CEP120: variants seen among roughly 807,000 people sequenced by gnomAD.
CEP120 encodes the protein centrosomal protein 120.
A neutral mutation model predicts 126.5 loss-of-function variants in CEP120; 113 were observed. The ratio of observed to expected loss-of-function variants is 0.89; its 90% CI spans 0.77 to 1.04. The LOEUF is 1.04. CEP120 is among the 50% of genes least tolerant of loss of function. The pLI, the probability that CEP120 is intolerant of heterozygous loss-of-function variation, is 0.00. For synonymous variants in CEP120, 400 were observed against 394.3 expected, an observed-to-expected ratio of 1.01 and a Z score of -0.17; for missense variants, 1,230 against 1,155.7, an observed-to-expected ratio of 1.06 and a Z score of -0.93.
chr5:123,408,632 C>A (rs1004273231), intron 4 of CEP120, among the ~76,000 whole-genome samples: 4 of 152,050 alleles, frequency 2.6e-5, no homozygotes, highest in Non-Finnish European at 5.9e-5. Flanking sequence ...TAATCAATAA[C>A]CTTCCCAAAC....
intron 16 of CEP120, among the ~76,000 whole-genome samples, chr5:123,376,218 C>G (rs1290405247): frequency 6.6e-6 from 1 of 151,894 alleles, no homozygotes; most frequent in Admixed American, 6.6e-5. Context: ...AAAATTTGTC[C>G]TAGACTTGAG....
intron 14 of CEP120, among the ~76,000 whole-genome samples, chr5:123,379,267 C>G (rs1486656278): frequency 6.6e-6 from 1 of 152,040 alleles, no homozygotes; most frequent in Non-Finnish European, 1.5e-5. Flanking sequence ...ATCTTTTCTC[C>G]ATAACCTTTC....
At position 123,385,778 on chromosome 5, in the gene CEP120, A is replaced by AT. The variant is rs373354911; in HGVS notation, c.1581-646dup. On this transcript the variant is annotated intron_variant, in intron 10 of 19. Transcript: ENST00000306467. Reference sequence around the variant, plus strand: ...ACTGCAGGTGCTGGCTAATTTTTGTATTTTTTGTAGAGACAGGGTTTCACC... The same window carrying AT: ...ACTGCAGGTGCTGGCTAATTTTTGTATTTTTTTGTAGAGACAGGGTTTCACC... 5.3e-5 allele frequency among the ~76,000 whole-genome samples: 8 copies of AT among 151,962 alleles called. No individual in the cohort carries two copies. The East Asian group carries it at 1.6e-3, about 29-fold the overall frequency.
Position 123,391,433 on chromosome 5 carries a change from A to G in CEP120, c.811-96T>C, listed in dbSNP as rs1285852518. On this transcript the variant is annotated intron_variant, in intron 6 of 19. Coordinates refer to ENST00000306467, the MANE Select transcript of CEP120 (RefSeq NM_001375405.1). ...TAAGAAGTTGTAAAATGATGCATGGAAAGAAAATATTATGCAGGTTATACC... is the reference window on the plus strand; with the variant it reads ...TAAGAAGTTGTAAAATGATGCATGGGAAGAAAATATTATGCAGGTTATACC... 9 of 931,396 alleles carry G rather than the reference A, an allele frequency of 9.7e-6. No homozygotes were observed. The Admixed American group carries it at 1.4e-4, about 15-fold the overall frequency. The allele number at this position is 931,396 out of a possible 1,614,324, so 57.7% of individuals were successfully genotyped here.
At chr5:123,407,427 G>T (rs1277511941) in intron 4 of CEP120, among the ~76,000 whole-genome samples, 3 of 152,190 alleles carry the variant, frequency 2.0e-5, no homozygotes, top group African/African-American at 7.2e-5. Context: ...AAAGAAAATG[G>T]TAGTAGTTAT....
rs1235702235 is a variant in CEP120 at position 123,423,070 on chromosome 5, G to A, written c.-72C>T. ...GGTCCAGTTGAGTCGCGGGTAATCC[G>A]GGACCCCCGGCGGGACCCCCACTGC... is the stretch of plus-strand genomic sequence containing the variant. On this transcript the variant is annotated 5_prime_UTR_variant, in exon 1 of 20. Coordinates refer to ENST00000306467, the MANE Select transcript of CEP120 (RefSeq NM_001375405.1). 8 of 1,366,078 alleles carry A rather than the reference G, an allele frequency of 5.9e-6. No individual in the cohort carries two copies. Among genetic ancestry groups the A allele is most frequent in the African/African-American group, 1.4e-5 (1 of 70,058 alleles). The allele number at this position is 1,366,078 out of a possible 1,614,324, so 84.6% of individuals were successfully genotyped here.
At position 123,412,331 on chromosome 5, in the gene CEP120, C is replaced by G. The variant is rs1302840858; in HGVS notation, c.463+68G>C. On this transcript the variant is annotated intron_variant, in intron 4 of 19. Transcript: ENST00000306467. ...CTGCATATATGTCCCTATAACACTC[C>G]CGCTTCCTAAAGCTCTAGTCCAAAG... 8.7e-6 allele frequency: 13 copies of G among 1,495,562 alleles called. No individual in the cohort carries two copies. In the East Asian group the frequency reaches 2.8e-4, roughly 32 times the overall value. The allele number at this position is 1,495,562 out of a possible 1,614,324, so 92.6% of individuals were successfully genotyped here. A position where few individuals can be genotyped will look rare whatever the true frequency, so the allele number is the denominator to read the frequency against.
intron 5 of CEP120, among the ~76,000 whole-genome samples, chr5:123,398,697 TC>T (rs1772969443): frequency 6.6e-6 from 1 of 152,198 alleles, no homozygotes; most frequent in South Asian, 2.1e-4. Context: ...TCTGCTAGCA[TC>T]CATGACAGTA....
intron 4 of CEP120, among the ~76,000 whole-genome samples, chr5:123,402,917 T>G (rs940546431): frequency 6.6e-6 from 1 of 152,116 alleles, no homozygotes; most frequent in Non-Finnish European, 1.5e-5. Context: ...TGGAGAGAGT[T>G]CCTCTCTTGC....
chr5:123,399,030 TAAA>T (rs11419318), intron 5 of CEP120, 103 bp downstream of exon 5: 2 of 673,510 alleles, frequency 3.0e-6, no homozygotes, highest in Admixed American at 3.5e-5. Context: ...TTTCAAAAGT[TAAA>T]AAAAAAAAGT....
chr5:123,359,898 C>T (rs1429350252), intron 18 of CEP120, among the ~76,000 whole-genome samples: 5 of 151,962 alleles, frequency 3.3e-5, no homozygotes, highest in Admixed American at 6.6e-5. Flanking sequence ...GCAATGGGCA[C>T]CAAGCATTAG....
chr5:123,411,236 G>A (rs1457788565), intron 4 of CEP120, among the ~76,000 whole-genome samples: 1 of 152,174 alleles, frequency 6.6e-6, no homozygotes, highest in African/African-American at 2.4e-5. Context: ...TAGTGGGAAT[G>A]CCAAATAGCA....
intron 4 of CEP120, among the ~76,000 whole-genome samples, chr5:123,406,319 A>T (rs1001752208): frequency 1.3e-5 from 2 of 151,938 alleles, no homozygotes; most frequent in Non-Finnish European, 2.9e-5. Context: ...AATTACTGAG[A>T]ATTTCCCCCA....
In CEP120 at chr5:123,385,103, C is replaced by G. The variant is rs761014693; in HGVS notation, c.1611G>C (p.Lys537Asn). The part of the protein sequence containing the change: ...RIPLLVELWH[K>N]DKMSKDLLLG... ...GAAGTAAATCTTTACTCATTTTATCCTTGTGCCATAGTTCAACCAGTAATG... is the reference window on the plus strand; with the variant it reads ...GAAGTAAATCTTTACTCATTTTATCGTTGTGCCATAGTTCAACCAGTAATG... Residue 537 changes from lysine to asparagine, a missense_variant, in exon 11 of 20, where the codon AAG becomes AAC. Transcript: ENST00000306467. The G allele has an allele frequency of 1.9e-6, 3 of 1,613,126 alleles. No individual in the cohort carries two copies. In the South Asian group the frequency reaches 3.3e-5, roughly 18 times the overall value.
Position 123,423,060 on chromosome 5 carries a change from C to T in CEP120, c.-62G>A, listed in dbSNP as rs1774826096. 1.4e-6 allele frequency: 2 copies of T among 1,411,376 alleles called. No individual in the cohort carries two copies. Among genetic ancestry groups the T allele is most frequent in the South Asian group, 1.1e-5 (1 of 87,186 alleles). The allele number at this position is 1,411,376 out of a possible 1,614,324, so 87.4% of individuals were successfully genotyped here. A position where few individuals can be genotyped will look rare whatever the true frequency, so the allele number is the denominator to read the frequency against. On this transcript the variant is annotated 5_prime_UTR_variant, in exon 1 of 20. Transcript: ENST00000306467. The stretch of plus-strand genomic sequence containing the variant: ...GGGGAAGTGAGGTCCAGTTGAGTCG[C>T]GGGTAATCCGGGACCCCCGGCGGGA...
At position 123,388,658 on chromosome 5, in the gene CEP120, C is replaced by A. The variant is rs922071238; in HGVS notation, c.1256-52G>T. 8 of 1,391,806 alleles carry A rather than the reference C, an allele frequency of 5.7e-6. No homozygotes were observed. The Admixed American group carries it at 1.0e-4, about 18-fold the overall frequency. 86.2% of individuals were successfully genotyped at this position (1,391,806 alleles called of 1,614,324 possible). ...ATAATCACACTTGCTAACAGTTTCTCTTAAATTGTACAGATAGTTTAAGGC... is the reference window on the plus strand; with the variant it reads ...ATAATCACACTTGCTAACAGTTTCTATTAAATTGTACAGATAGTTTAAGGC... On this transcript the variant is annotated intron_variant, in intron 8 of 19. Transcript: ENST00000306467.
chr5:123,408,208 C>G (rs1488446853), intron 4 of CEP120, among the ~76,000 whole-genome samples: 1 of 151,964 alleles, frequency 6.6e-6, no homozygotes, highest in Non-Finnish European at 1.5e-5. Flanking sequence ...AAGCTTCCAC[C>G]TTAGGAAACC....
At position 123,372,706 on chromosome 5, in the gene CEP120, T is replaced by G; in HGVS notation, c.2425A>C (p.Asn809His). Reference protein sequence around the residue: ...KEFQQFKDQQNNKPEIRLQSE... With the variant: ...KEFQQFKDQQHNKPEIRLQSE... The stretch of plus-strand genomic sequence containing the variant: ...TGTAGACGGATTTCTGGTTTGTTGT[T>G]TTGCTGGTCCTTGAACTGTTGGAAC... The change falls in exon 17 of 20, where the codon AAC (asparagine) becomes CAC (histidine). Residue 809 changes from asparagine to histidine, a missense_variant. Asn to His is a moderately conservative substitution (Grantham distance 68). Transcript: ENST00000306467. The G allele has an allele frequency of 1.9e-6, 3 of 1,611,758 alleles. No homozygotes were observed. The highest frequency in any genetic ancestry group is 2.5e-6 in the Non-Finnish European group (3 of 1,178,740).
chr5:123,357,682 T>C (rs966963525), intron 18 of CEP120, among the ~76,000 whole-genome samples: 12 of 152,120 alleles, frequency 7.9e-5, no homozygotes, highest in African/African-American at 2.9e-4. Flanking sequence ...GACCTGAGCC[T>C]AGGAGGTCGA....
Sources: gnomAD v4.1 joint callset for allele counts (sites outside exome capture counted in the v4.1 genomes callset) on GRCh38, gnomAD v4.1.1 for gene constraint, MANE v1.5 for transcripts, NCBI Gene and HGNC (gene_info 2026-07-23, HGNC 2026-07-21) for gene names.